Variants in CES1 observed in about 807,000 individuals in gnomAD.
CES1 encodes carboxylesterase 1.
A neutral mutation model predicts 53.0 loss-of-function variants in CES1; 50 were observed. The observed-to-expected ratio is 0.94, with a 90% confidence interval of 0.75 to 1.19. CES1 has a LOEUF of 1.19. CES1 is among the 50% of genes most tolerant of loss of function. CES1 has a pLI of 0.00. For missense variants in CES1, 534 were observed against 538.0 expected (o/e 0.99, Z 0.07); for synonymous variants, 202 against 210.1 (o/e 0.96, Z 0.33).
At chr16:55,832,926 T>C in intron 1 of CES1, 78 bp downstream of exon 1, 1 of 1,256,402 alleles carries the variant, frequency 8.0e-7, no homozygotes, top group Non-Finnish European at 1.2e-6. Context: ...TCTTTGCCTT[T>C]CTACGCATCT....
At chr16:55,823,499 G>A (rs2032289451) in intron 4 of CES1, 51 bp downstream of exon 4, 2 of 1,608,486 alleles carry the variant, frequency 1.2e-6, no homozygotes, top group East Asian at 2.2e-5. Context: ...CTGGGTCCTA[G>A]CATCCTCGTT....
chr16:55,809,093 C>CAAAAAAA lies in CES1; in HGVS notation c.1318+1417_1318+1423dup, dbSNP rs376932562. On this transcript the variant is annotated intron_variant, in intron 11 of 13. Coordinates refer to ENST00000360526, the MANE Select transcript of CES1 (RefSeq NM_001025195.2). ...GTAGATAAAATCTGTGTAGTCCTGG[C>CAAAAAAA]AAAAAAAAAAAAAAAAAAGCCCTGA... Among the ~76,000 whole-genome samples, 66 of 72,022 alleles carry CAAAAAAA rather than the reference C, an allele frequency of 9.2e-4. 7 individuals are homozygous for CAAAAAAA. The highest frequency in any genetic ancestry group is 1.9e-3 in the African/African-American group (34 of 18,014). 47.2% of individuals were successfully genotyped at this position (72,022 alleles called of 152,430 possible).
chr16:55,825,743 T>C (rs1173491100), intron 3 of CES1, among the ~76,000 whole-genome samples: 1 of 152,226 alleles, frequency 6.6e-6, no homozygotes, highest in African/African-American at 2.4e-5. Context: ...TCCCCTTCCC[T>C]GTCTGGGCCT....
chr16:55,826,822 T>C (rs2032436750), intron 2 of CES1, among the ~76,000 whole-genome samples: 1 of 152,332 alleles, frequency 6.6e-6, no homozygotes, highest in Non-Finnish European at 1.5e-5. Context: ...CAGTTGCTGT[T>C]GTGTTGCCCT....
Position 55,822,444 on chromosome 16 carries a change from C to A in CES1, c.540-923G>T, listed in dbSNP as rs115530611. 5.6e-3 allele frequency among the ~76,000 whole-genome samples: 850 copies of A among 152,284 alleles called. 10 individuals carry two copies. Among genetic ancestry groups the A allele is most frequent in the Middle Eastern group, 0.02 (6 of 294 alleles). ...GAGACAGTCCGGGCTGTCCACAAGG[C>A]CTTCTCCTGAGCCCAAGGGAGGATG... On this transcript the variant is annotated intron_variant, in intron 4 of 13. Transcript: ENST00000360526.
chr16:55,814,384 C>T (rs3893204), intron 8 of CES1, among the ~76,000 whole-genome samples: 1 of 151,830 alleles, frequency 6.6e-6, no homozygotes, highest in African/African-American at 2.4e-5. Flanking sequence ...GTAGTTGCTA[C>T]GATAGAGCGT....
chr16:55,829,848 G>T (rs1441623775), intron 1 of CES1, among the ~76,000 whole-genome samples: 1 of 152,348 alleles, frequency 6.6e-6, no homozygotes, highest in East Asian at 1.9e-4. Flanking sequence ...CACGGACAAT[G>T]TTTCCTCACT....
chr16:55,814,311 A>C (rs2031836348), intron 8 of CES1, among the ~76,000 whole-genome samples: 1 of 152,232 alleles, frequency 6.6e-6, no homozygotes, highest in South Asian at 2.1e-4. Context: ...AGCCCAACTC[A>C]TGTGTTGCCA....
At chr16:55,810,057 C>G (rs1200091022) in intron 11 of CES1, among the ~76,000 whole-genome samples, 4 of 152,190 alleles carry the variant, frequency 2.6e-5, no homozygotes, top group Admixed American at 2.6e-4. Flanking sequence ...GTCGAAGTCA[C>G]AGGGAATAAA....
At chr16:55,830,819 A>AAGGAAGGAAGGCAGGCAGGC (rs1454708070) in intron 1 of CES1, among the ~76,000 whole-genome samples, 95 of 127,320 alleles carry the variant, frequency 7.5e-4, no homozygotes, top group South Asian at 4.1e-3. Flanking sequence ...GGAAGGAAGG[A>AAGGAAGGAAGGCAGGCAGGC]AGGCAGGCAG....
intron 9 of CES1, among the ~76,000 whole-genome samples, chr16:55,811,495 C>G (rs527937040): frequency 6.6e-6 from 1 of 152,136 alleles, no homozygotes; most frequent in Non-Finnish European, 1.5e-5. Flanking sequence ...TTCTGAGGGG[C>G]GAACTGCACA....
chr16:55,811,028 T>C lies in CES1; in HGVS notation c.1087-18A>G, dbSNP rs1335172915. ...ATCAACTGCTAAAAAAAAAAAAAAG[T>C]TCAGCATTTATGAATCATTGGGAAT... On this transcript the variant is annotated intron_variant, in intron 9 of 13. Transcript: ENST00000360526. 2 of 1,463,236 alleles carry C rather than the reference T, an allele frequency of 1.4e-6. No homozygotes were observed. Among genetic ancestry groups the C allele is most frequent in the South Asian group, 2.3e-5 (2 of 85,400 alleles). 90.6% of individuals were successfully genotyped at this position (1,463,236 alleles called of 1,614,324 possible).
rs2032176200 is a variant in CES1 at position 55,821,237 on chromosome 16, CT to C, written c.693+130del. On this transcript the variant is annotated intron_variant, in intron 5 of 13. Transcript: ENST00000360526. ...TAGCTTTCTACCCCCTGATGCTGGG[CT>C]GTGAGTAGGGCCAGTCCTGAATTCA... The C allele has an allele frequency of 2.5e-6, 3 of 1,212,194 alleles. No individual in the cohort carries two copies. In the South Asian group the frequency reaches 3.8e-5, roughly 15 times the overall value. The allele number at this position is 1,212,194 out of a possible 1,614,324, so 75.1% of individuals were successfully genotyped here.
In CES1 at chr16:55,811,026, A is replaced by C. The variant is rs1212730433; in HGVS notation, c.1087-16T>G. ...TCATCAACTGCTAAAAAAAAAAAAAAGTTCAGCATTTATGAATCATTGGGA... is the reference window on the plus strand; with the variant it reads ...TCATCAACTGCTAAAAAAAAAAAAACGTTCAGCATTTATGAATCATTGGGA... On this transcript the variant is annotated splice_polypyrimidine_tract_variant and intron_variant, in intron 9 of 13. Transcript: ENST00000360526. The C allele has an allele frequency of 6.4e-7, 1 of 1,556,824 alleles. No homozygotes were observed. Among genetic ancestry groups the C allele is most frequent in the Non-Finnish European group, 8.9e-7 (1 of 1,128,060 alleles).
intron 3 of CES1, among the ~76,000 whole-genome samples, chr16:55,824,740 C>T (rs1198506863): frequency 3.3e-5 from 5 of 152,368 alleles, no homozygotes; most frequent in African/African-American, 1.2e-4. Flanking sequence ...ACTGAGATCA[C>T]GCTTAGTGGT....
intron 8 of CES1, among the ~76,000 whole-genome samples, 169 bp from the exon 9 acceptor site, chr16:55,813,212 G>A (rs1347022538): frequency 2.6e-5 from 4 of 152,198 alleles, no homozygotes; most frequent in African/African-American, 7.2e-5. Flanking sequence ...TGACTCAGGG[G>A]CAGAACTTCA....
chr16:55,832,770 C>T (rs2032733615), intron 1 of CES1, among the ~76,000 whole-genome samples: 1 of 152,256 alleles, frequency 6.6e-6, no homozygotes, highest in Admixed American at 6.5e-5. Context: ...GGCTGTCGGC[C>T]TGCATTTGGG....
Position 55,828,813 on chromosome 16 carries a change from C to T in CES1, c.214G>A (p.Ala72Thr). ...TTCTTCACAAAGCTCCATGGTTCTG[C>T]AGGCTGCGGTGGAGTAAACCTCAGG... ...GPLRFTPPQP[A>T]EPWSFVKNAT... Residue 72 changes from alanine (A) to threonine (T), a missense_variant, in exon 2 of 14, where the codon GCA becomes ACA. By Grantham distance (58) the Ala-to-Thr change is moderately conservative. Transcript: ENST00000360526. 1 of 1,614,304 alleles carries T rather than the reference C, an allele frequency of 6.2e-7. No homozygotes were observed. Among genetic ancestry groups the T allele is most frequent in the South Asian group, 1.1e-5 (1 of 91,090 alleles).
At chr16:55,810,745 G>T in intron 10 of CES1, 81 bp from the exon 11 acceptor site, 2 of 1,552,414 alleles carry the variant, frequency 1.3e-6, no homozygotes, top group South Asian at 1.1e-5. Flanking sequence ...CTGCCTCAAT[G>T]GTGAACCCCA....
Sources: gnomAD v4.1 joint callset for allele counts (sites outside exome capture counted in the v4.1 genomes callset) on GRCh38, gnomAD v4.1.1 for gene constraint, MANE v1.5 for transcripts, NCBI Gene and HGNC (gene_info 2026-07-23, HGNC 2026-07-21) for gene names.